The following PTPRT variants were observed in gnomAD, a reference collection of about 807,000 sequenced individuals.
The protein encoded by PTPRT is receptor-type tyrosine-protein phosphatase T.
A neutral mutation model predicts 176.8 loss-of-function variants in PTPRT; 56 were observed. The ratio of observed to expected loss-of-function variants is 0.32; its 90% CI spans 0.26 to 0.40. PTPRT has a LOEUF of 0.40. Among genes scored for constraint, PTPRT ranks in the 10% least tolerant of loss-of-function variants. PTPRT has a pLI of 1.00. For synonymous variants in PTPRT, 783 were observed against 739.0 expected, an observed-to-expected ratio of 1.06 and a Z score of -0.96; for missense variants, 1,540 against 1,908.2, an observed-to-expected ratio of 0.81 and a Z score of 3.60.
At chr20:42,694,547 T>G (rs2075843782) in intron 6 of PTPRT, among the ~76,000 whole-genome samples, 1 of 152,216 alleles carries the variant, frequency 6.6e-6, no homozygotes, top group Non-Finnish European at 1.5e-5. Flanking sequence ...TAAGTTTTCA[T>G]TTTTCTGGGG....
chr20:42,375,669 A>G (rs1262979851), intron 9 of PTPRT, among the ~76,000 whole-genome samples: 1 of 152,224 alleles, frequency 6.6e-6, no homozygotes, highest in Non-Finnish European at 1.5e-5. Context: ...AGGAACTAAG[A>G]GAGGTGGTAA....
chr20:43,096,627 A>G (rs2012181252), intron 1 of PTPRT, among the ~76,000 whole-genome samples: 1 of 152,230 alleles, frequency 6.6e-6, no homozygotes, highest in Non-Finnish European at 1.5e-5. Flanking sequence ...CCAGAAGCCC[A>G]GCATGCCTGC....
At chr20:42,975,583 C>T (rs1407351364) in intron 1 of PTPRT, among the ~76,000 whole-genome samples, 2 of 152,174 alleles carry the variant, frequency 1.3e-5, no homozygotes, top group East Asian at 3.9e-4. Context: ...GCAAAAGCTT[C>T]TGTCTTAAAC....
rs2015493451 is a variant in PTPRT at position 43,189,718 on chromosome 20, C to T, written c.16G>A (p.Ala6Thr). MASLA[A>T]LALSLLLRLQ... ...CTCAGGAGCAGGCTGAGGGCGAGCGCGGCGAGGCTCGCCATCCGGGCGGCG... is the reference window on the plus strand; with the variant it reads ...CTCAGGAGCAGGCTGAGGGCGAGCGTGGCGAGGCTCGCCATCCGGGCGGCG... The change falls in exon 1 of 31, where the codon GCG (alanine) becomes ACG (threonine). Residue 6 changes from alanine to threonine, a missense_variant. Around this residue, in one of 11 missense-constraint regions of PTPRT, gnomAD observed 116 missense variants for 118.5 expected, o/e 0.98. Transcript: ENST00000373187. The surrounding 1 kb of genome is among the most constrained non-coding windows in gnomAD (Gnocchi z 5.0). 1.7e-5 allele frequency: 21 copies of T among 1,259,306 alleles called. No homozygotes were observed. Among genetic ancestry groups the T allele is most frequent in the Non-Finnish European group, 1.9e-5 (19 of 1,004,228 alleles). The allele number at this position is 1,259,306 out of a possible 1,614,324, so 78.0% of individuals were successfully genotyped here.
intron 1 of PTPRT, among the ~76,000 whole-genome samples, chr20:42,985,108 G>A (rs1983498628): frequency 1.3e-5 from 2 of 152,120 alleles, no homozygotes; most frequent in Non-Finnish European, 2.9e-5. Flanking sequence ...AGTTGCAATG[G>A]GGGTCAGGAC....
chr20:42,419,396 G>A (rs1050748352), intron 9 of PTPRT, among the ~76,000 whole-genome samples: 1 of 152,192 alleles, frequency 6.6e-6, no homozygotes, highest in Non-Finnish European at 1.5e-5. Flanking sequence ...CAGGGCAGCA[G>A]GGGAAGGTTA....
intron 1 of PTPRT, among the ~76,000 whole-genome samples, chr20:42,952,946 T>C (rs1981346890): frequency 1.3e-5 from 2 of 152,188 alleles, no homozygotes; most frequent in African/African-American, 2.4e-5. Flanking sequence ...AAATCTTAGG[T>C]TGGATAAATA....
chr20:42,605,539 C>T (rs956011973), intron 7 of PTPRT, among the ~76,000 whole-genome samples: 10 of 152,168 alleles, frequency 6.6e-5, no homozygotes, highest in Non-Finnish European at 1.3e-4. Context: ...GATTCTCGAC[C>T]TCAATTTTCA....
At chr20:42,872,480 G>A (rs1254887000) in intron 2 of PTPRT, among the ~76,000 whole-genome samples, 1 of 152,212 alleles carries the variant, frequency 6.6e-6, no homozygotes, top group Non-Finnish European at 1.5e-5. Flanking sequence ...TACGTCAGGT[G>A]CCCTACCTCC....
intron 18 of PTPRT, among the ~76,000 whole-genome samples, chr20:42,131,730 T>C (rs1384735544): frequency 6.6e-6 from 1 of 152,204 alleles, no homozygotes; most frequent in Non-Finnish European, 1.5e-5. Flanking sequence ...AAGGAGTTTG[T>C]CAATTTAGTG....
At chr20:42,163,229 T>C (rs1371132655) in intron 16 of PTPRT, among the ~76,000 whole-genome samples, 1 of 152,084 alleles carries the variant, frequency 6.6e-6, no homozygotes, top group Non-Finnish European at 1.5e-5. Flanking sequence ...CAGAGTGTGG[T>C]CTCTAAAACT....
intron 1 of PTPRT, among the ~76,000 whole-genome samples, chr20:43,162,046 A>C (rs962492848): frequency 6.6e-6 from 1 of 152,220 alleles, no homozygotes; most frequent in African/African-American, 2.4e-5. Flanking sequence ...TGTTTTCGAA[A>C]CTGGCGGGCA....
At chr20:42,788,758 C>T (rs1044669579) in intron 3 of PTPRT, among the ~76,000 whole-genome samples, 3 of 152,212 alleles carry the variant, frequency 2.0e-5, no homozygotes, top group African/African-American at 2.4e-5. Context: ...TGAGAATGAG[C>T]AGAACCAGCA....
At chr20:42,298,110 G>T (rs1000907531) in intron 12 of PTPRT, among the ~76,000 whole-genome samples, 1 of 152,016 alleles carries the variant, frequency 6.6e-6, no homozygotes, top group Non-Finnish European at 1.5e-5. Context: ...ATATATCACA[G>T]ATAAAGTACT....
chr20:42,482,913 G>T lies in PTPRT; in HGVS notation c.1154-10351C>A, dbSNP rs534357138. ...GCCTCCTTTGCACTAAATCTGGTGA[G>T]AAAAACAGACTAAAACAACCATCAT... On this transcript the variant is annotated intron_variant, in intron 7 of 30. Coordinates refer to ENST00000373187, the MANE Select transcript of PTPRT (RefSeq NM_007050.6). 2.0e-5 allele frequency among the ~76,000 whole-genome samples: 3 copies of T among 152,228 alleles called. No individual in the cohort carries two copies. In the East Asian group the frequency reaches 5.8e-4, roughly 29 times the overall value.
intron 1 of PTPRT, among the ~76,000 whole-genome samples, chr20:43,046,279 A>G (rs951954677): frequency 2.0e-5 from 3 of 152,042 alleles, no homozygotes; most frequent in Non-Finnish European, 4.4e-5. Context: ...AAGGCCTAAA[A>G]AGGCTACTGA....
chr20:43,117,134 C>T (rs2013090753), intron 1 of PTPRT, among the ~76,000 whole-genome samples: 1 of 152,100 alleles, frequency 6.6e-6, no homozygotes, highest in Non-Finnish European at 1.5e-5. Flanking sequence ...TTCTTACGGC[C>T]TGGGTACAGA....
chr20:42,510,346 ATTC>A (rs2071931989), intron 7 of PTPRT, among the ~76,000 whole-genome samples: 1 of 152,074 alleles, frequency 6.6e-6, no homozygotes, highest in Non-Finnish European at 1.5e-5. Flanking sequence ...TGTAGCCTAT[ATTC>A]TTCTTGAATA....
Position 42,282,494 on chromosome 20 carries a change from G to T in PTPRT, c.2171C>A (p.Thr724Lys), listed in dbSNP as rs1476533276. ...ETKINCVRLA[T>K]KGASTQNSNT... ...ACAAGCAGATGCCAACATACCTTTT[G>T]TAGCCAGACGAACACAGTTGATTTT... is the stretch of plus-strand genomic sequence containing the variant. Residue 724 changes from threonine to lysine, a missense_variant, in exon 13 of 31, where the codon ACA becomes AAA. By Grantham distance (78) the Thr-to-Lys change is moderately conservative. This residue lies in a region of PTPRT where 255 missense variants were observed against 250.1 expected (regional missense o/e 1.02). Transcript: ENST00000373187. The T allele has an allele frequency of 2.5e-6, 4 of 1,610,650 alleles. No individual in the cohort carries two copies. In the South Asian group the frequency reaches 3.3e-5, roughly 13 times the overall value.
Sources: gnomAD v4.1 joint callset for allele counts (sites outside exome capture counted in the v4.1 genomes callset) on GRCh38, gnomAD v4.1.1 for gene constraint, gnomAD v4.1.1 regional missense constraint, Gnocchi (gnomAD v3.1) non-coding constraint, MANE v1.5 for transcripts, NCBI Gene and HGNC (gene_info 2026-07-23, HGNC 2026-07-21) for gene names.